The following AKAP6 variants were observed in gnomAD, a reference collection of about 807,000 sequenced individuals.
AKAP6 encodes the protein A-kinase anchor protein 6.
AKAP6 carries 58 observed loss-of-function variants against 188.5 expected under a neutral mutation model. The observed-to-expected ratio is 0.31, with a 90% CI of 0.25 to 0.38. AKAP6 has a LOEUF of 0.38. AKAP6 is among the 10% of genes least tolerant of loss of function. The pLI, the probability that AKAP6 is intolerant of heterozygous loss-of-function variation, is 1.00. For missense variants in AKAP6, 2,710 were observed against 2,740.0 expected (o/e 0.99, Z 0.24); for synonymous variants, 989 against 998.6 (o/e 0.99, Z 0.18).
intron 2 of AKAP6, chr14:32,473,781 C>T (rs1200846511): frequency 6.6e-6 from 1 of 152,400 alleles, no homozygotes; most frequent in East Asian, 1.9e-4. Context: ...CATCCCAGCA[C>T]ATTGGGCAGG....
chr14:32,678,326 T>A lies in AKAP6; in HGVS notation c.2746T>A (p.Cys916Ser). The change falls in exon 8 of 14, where the codon TGC becomes AGC. Residue 916 changes from cysteine to serine, a missense_variant. Around this residue, in one of 2 missense-constraint regions of AKAP6, gnomAD observed 2,473 missense variants for 2,426.1 expected, o/e 1.02. Transcript: ENST00000280979. ...CTCTTTCCAGGCTGAGGTTCAACTA[T>A]GCTACCTGGAAGCACAAAGAGATGC... ...TGSPKAEVQL[C>S]YLEAQRDAVE... 1 of 1,612,094 alleles carries A rather than the reference T, an allele frequency of 6.2e-7. No homozygotes were observed. Among genetic ancestry groups the A allele is most frequent in the Non-Finnish European group, 8.5e-7 (1 of 1,178,530 alleles).
At chr14:32,441,710 T>G (rs1192189378) in intron 2 of AKAP6, among the ~76,000 whole-genome samples, 1 of 152,222 alleles carries the variant, frequency 6.6e-6, no homozygotes, top group Non-Finnish European at 1.5e-5. Flanking sequence ...CTAATGTATT[T>G]AGAGCTCAGA....
At chr14:32,770,175 C>T (rs1211730103) in intron 11 of AKAP6, among the ~76,000 whole-genome samples, 3 of 152,042 alleles carry the variant, frequency 2.0e-5, no homozygotes, top group Admixed American at 6.6e-5. Flanking sequence ...TGACGGTTTA[C>T]AAATGTGAAA....
chr14:32,537,243 C>T (rs950385297), intron 3 of AKAP6, among the ~76,000 whole-genome samples: 1 of 152,198 alleles, frequency 6.6e-6, no homozygotes, highest in African/African-American at 2.4e-5. Flanking sequence ...AACTTTAAGT[C>T]ACAGTCTTTG....
At chr14:32,480,252 G>GA (rs781286510) in intron 2 of AKAP6, among the ~76,000 whole-genome samples, 1 of 151,972 alleles carries the variant, frequency 6.6e-6, no homozygotes, top group East Asian at 1.9e-4. Context: ...AGAGTTGGGT[G>GA]AAAAAAAATC....
Sources: allele counts gnomAD v4.1 joint callset (sites outside exome capture counted in the v4.1 genomes callset), GRCh38; gene constraint gnomAD v4.1.1; regional missense constraint gnomAD v4.1.1; transcripts MANE v1.5; gene names NCBI Gene and HGNC (gene_info 2026-07-23, HGNC 2026-07-21).